Variants in CTBP2 observed in about 807,000 individuals in gnomAD.
CTBP2 encodes C-terminal-binding protein 2.
Under a neutral mutation model 80.3 loss-of-function variants are expected in CTBP2, and 30 were observed. That is an observed-to-expected ratio of 0.37 (90% confidence interval 0.28 to 0.51). The LOEUF is 0.51. Ranked by LOEUF, CTBP2 falls within the 20% of genes least tolerant of loss-of-function variation. The pLI is 0.93. For missense variants in CTBP2, 1,212 were observed against 1,375.3 expected, an observed-to-expected ratio of 0.88 and a Z score of 1.88; for synonymous variants, 594 against 587.4, an observed-to-expected ratio of 1.01 and a Z score of -0.16.
chr10:125,094,008 G>A (rs1049362015), intron 2 of CTBP2, among the ~76,000 whole-genome samples: 5 of 152,202 alleles, frequency 3.3e-5, no homozygotes, highest in East Asian at 1.9e-4. Flanking sequence ...AGAATGTGCC[G>A]TCTTCTTGAG....
chr10:125,150,639 C>G (rs935266776), intron 1 of CTBP2, among the ~76,000 whole-genome samples: 13 of 151,722 alleles, frequency 8.6e-5, no homozygotes, highest in African/African-American at 3.1e-4. Flanking sequence ...CAGTGACTAA[C>G]TATCACCTGT....
intron 1 of CTBP2, among the ~76,000 whole-genome samples, chr10:125,117,681 T>C (rs1853572599): frequency 6.6e-6 from 1 of 152,226 alleles, no homozygotes; most frequent in African/African-American, 2.4e-5. Flanking sequence ...CGAGAGGTTG[T>C]CACTTTAGCA....
intron 1 of CTBP2, among the ~76,000 whole-genome samples, chr10:125,117,010 C>T (rs967550698): frequency 2.0e-5 from 3 of 152,176 alleles, no homozygotes; most frequent in Non-Finnish European, 4.4e-5. Context: ...CTCAGCTGCC[C>T]GCCTCCTTTC....
intron 1 of CTBP2, among the ~76,000 whole-genome samples, 196 bp from the exon 4 acceptor site, chr10:125,003,688 C>A (rs1307163482): frequency 1.3e-5 from 2 of 152,304 alleles, no homozygotes; most frequent in South Asian, 2.1e-4. Context: ...CATCCACTTG[C>A]GGCTCTGGCT....
intron 2 of CTBP2, among the ~76,000 whole-genome samples, chr10:125,081,595 G>T (rs2135561259): frequency 6.6e-6 from 1 of 152,076 alleles, no homozygotes; most frequent in East Asian, 1.9e-4. Flanking sequence ...CTAGGTAAAG[G>T]GTAATTAGAA....
intron 2 of CTBP2, among the ~76,000 whole-genome samples, chr10:125,065,929 C>T (rs768087933): frequency 3.9e-5 from 6 of 152,230 alleles, no homozygotes; most frequent in Non-Finnish European, 8.8e-5. Context: ...TGGCGAAACC[C>T]TGTCCTAAGA....
At chr10:125,098,521 T>C (rs1299159562) in intron 2 of CTBP2, among the ~76,000 whole-genome samples, 1 of 152,050 alleles carries the variant, frequency 6.6e-6, no homozygotes, top group Non-Finnish European at 1.5e-5. Context: ...GAGCGGGCCA[T>C]GCTTCCGAGG....
chr10:125,016,466 T>A (rs893678061), intron 1 of CTBP2, among the ~76,000 whole-genome samples: 4 of 152,248 alleles, frequency 2.6e-5, no homozygotes, highest in Non-Finnish European at 5.9e-5. Flanking sequence ...CTGAGTAGCC[T>A]GTAGCCTGGC....
intron 2 of CTBP2, among the ~76,000 whole-genome samples, chr10:125,072,903 C>T (rs146240897): frequency 6.6e-6 from 1 of 152,114 alleles, no homozygotes; most frequent in South Asian, 2.1e-4. Flanking sequence ...TTTACAAGGC[C>T]CCAAATCACT....
intron 3 of CTBP2, chr10:125,001,237 GA>G (rs1954459399): frequency 6.6e-6 from 1 of 152,352 alleles, no homozygotes; most frequent in South Asian, 2.1e-4. Context: ...TCCAGCCGAG[GA>G]AGGGCAGGGT....
chr10:125,113,880 G>A (rs546660347), intron 1 of CTBP2, among the ~76,000 whole-genome samples: 1 of 152,288 alleles, frequency 6.6e-6, no homozygotes, highest in African/African-American at 2.4e-5. Flanking sequence ...AGTGAACGGC[G>A]ACAGCTTATT....
intron 2 of CTBP2, among the ~76,000 whole-genome samples, chr10:125,068,712 C>G (rs1487805232): frequency 1.3e-5 from 2 of 152,206 alleles, no homozygotes; most frequent in Non-Finnish European, 2.9e-5. Flanking sequence ...CTGCAGAGGA[C>G]TCATCAGCAC....
At chr10:125,039,574 G>A (rs1197389406) in intron 2 of CTBP2, among the ~76,000 whole-genome samples, 1 of 152,242 alleles carries the variant, frequency 6.6e-6, no homozygotes, top group Non-Finnish European at 1.5e-5. Flanking sequence ...GGCGACTCGA[G>A]GGGCTCTGCG....
chr10:125,067,837 C>T lies in CTBP2; in HGVS notation c.-101-28682G>A, dbSNP rs143862003. 1.4e-4 allele frequency among the ~76,000 whole-genome samples: 21 copies of T among 152,292 alleles called. No homozygotes were observed. The East Asian group carries it at 2.9e-3, about 21-fold the overall frequency. ...GGGCCCATGGTGGGACTCCCTGACC[C>T]GCGTCATTCTGTGCCCTCACCTCTG... is the stretch of plus-strand genomic sequence containing the variant. On this transcript the variant is annotated intron_variant, in intron 2 of 10. Coordinates refer to the CTBP2 transcript ENST00000337195.
At chr10:125,143,197 G>A (rs556789054) in intron 1 of CTBP2, among the ~76,000 whole-genome samples, 3 of 152,236 alleles carry the variant, frequency 2.0e-5, no homozygotes, top group African/African-American at 4.8e-5. Context: ...AAGCAAATTC[G>A]CCTCAGCCGG....
intron 1 of CTBP2, among the ~76,000 whole-genome samples, chr10:125,126,645 G>T (rs183886213): frequency 6.6e-6 from 1 of 152,200 alleles, no homozygotes; most frequent in Non-Finnish European, 1.5e-5. Flanking sequence ...CGCACCTCCC[G>T]GCCTCGGCCC....
chr10:125,026,423 G>T lies in CTBP2; in HGVS notation c.1337C>A (p.Ala446Asp). ...CGTGGGGCTCAGACGCGCTGTCAGG[G>T]CGCAAGGGGTGGGAGAGCTGTACCC... Residue 446 changes from alanine (A) to aspartate (D), a missense_variant, in exon 1 of 9, where the codon GCC becomes GAC. Physicochemically the swap from Ala to Asp is moderately radical, Grantham distance 126. Coordinates refer to ENST00000309035, the MANE Select transcript of CTBP2 (RefSeq NM_022802.3). 1 of 1,605,214 alleles carries T rather than the reference G, an allele frequency of 6.2e-7. No individual in the cohort carries two copies.
chr10:125,154,558 A>G (rs1860579769), intron 1 of CTBP2, among the ~76,000 whole-genome samples: 1 of 152,268 alleles, frequency 6.6e-6, no homozygotes. Flanking sequence ...TTAGGTAAAC[A>G]GCTAAAGCAG....
intron 2 of CTBP2, among the ~76,000 whole-genome samples, chr10:125,047,478 A>G (rs1382098978): frequency 6.6e-6 from 1 of 152,226 alleles, no homozygotes; most frequent in Admixed American, 6.5e-5. Context: ...GGGCACACAC[A>G]ATACAATTGG....
Sources: gnomAD v4.1 joint callset for allele counts (sites outside exome capture counted in the v4.1 genomes callset) on GRCh38, gnomAD v4.1.1 for gene constraint, MANE v1.5 for transcripts, NCBI Gene and HGNC (gene_info 2026-07-23, HGNC 2026-07-21) for gene names.